The following GGACT variants were observed in gnomAD, a reference collection of about 807,000 sequenced individuals.
GGACT encodes the protein gamma-glutamylaminecyclotransferase.
For missense variants in GGACT, 241 were observed against 233.2 expected (o/e 1.03, Z -0.22); for synonymous variants, 118 against 115.3 (o/e 1.02, Z -0.15).
At chr13:100,532,636 A>G (rs975820695) in intron 2 of GGACT, 35 bp from the exon 3 acceptor site, 14 of 1,474,214 alleles carry the variant, frequency 9.5e-6, no homozygotes, top group Non-Finnish European at 1.3e-5. Context: ...GTCAGCCCGC[A>G]GTGGGAGCTC....
Position 100,536,315 on chromosome 13 carries a change from C to G in GGACT, c.-10-3714G>C, listed in dbSNP as rs987820072. 10 of 150,938 alleles carry G rather than the reference C, an allele frequency of 6.6e-5. No homozygotes were observed. In the East Asian group the frequency reaches 2.0e-3, roughly 29 times the overall value. The allele number at this position is 150,938 out of a possible 1,614,324, so 9.3% of individuals were successfully genotyped here. On this transcript the variant is annotated intron_variant, in intron 2 of 2. Transcript: ENST00000683975. ...CTGGATCACGGGGGCATTTTCTTACCCCTCCTTCCTCTCTGTTCTCTTTCT... is the reference window on the plus strand; with the variant it reads ...CTGGATCACGGGGGCATTTTCTTACGCCTCCTTCCTCTCTGTTCTCTTTCT...
intron 2 of GGACT, among the ~76,000 whole-genome samples, chr13:100,548,877 C>G (rs1030398344): frequency 6.6e-6 from 1 of 152,234 alleles, no homozygotes; most frequent in Non-Finnish European, 1.5e-5. Flanking sequence ...GGAGAGCCAA[C>G]CAGGGAGGCC....
intron 2 of GGACT, among the ~76,000 whole-genome samples, chr13:100,560,270 C>CA (rs2088747757): frequency 6.6e-6 from 1 of 152,296 alleles, no homozygotes; most frequent in East Asian, 1.9e-4. Flanking sequence ...GTCTGTAAAT[C>CA]AAAAAAGCTG....
chr13:100,563,841 T>C (rs1195178661), intron 2 of GGACT, among the ~76,000 whole-genome samples: 3 of 151,780 alleles, frequency 2.0e-5, no homozygotes, highest in Non-Finnish European at 4.4e-5. Context: ...TGGAGGAGGG[T>C]AAAAACCATG....
chr13:100,552,480 C>T lies in GGACT; in HGVS notation c.-10-19879G>A, dbSNP rs140855327. Among the ~76,000 whole-genome samples, 41 of 152,290 alleles carry T rather than the reference C, an allele frequency of 2.7e-4. 1 individual carries two copies. In the East Asian group the frequency reaches 7.7e-3, roughly 29 times the overall value. On this transcript the variant is annotated intron_variant, in intron 2 of 2. Coordinates refer to ENST00000683975, the MANE Select transcript of GGACT (RefSeq NM_001195087.2). Reference sequence around the variant, plus strand: ...AGAGACTGAAGCTCTAGCTGGTTCTCCCAGCAAACACAACCATTCTGAGAT... The same window carrying T: ...AGAGACTGAAGCTCTAGCTGGTTCTTCCAGCAAACACAACCATTCTGAGAT...
intron 2 of GGACT, among the ~76,000 whole-genome samples, chr13:100,576,923 T>A (rs536243506): frequency 1.4e-4 from 21 of 152,296 alleles, no homozygotes; most frequent in Admixed American, 1.3e-3. Flanking sequence ...GTAAACTTAA[T>A]AATAATGAAT....
intron 2 of GGACT, among the ~76,000 whole-genome samples, chr13:100,566,812 C>T (rs186312194): frequency 2.8e-4 from 43 of 152,372 alleles, no homozygotes; most frequent in Non-Finnish European, 4.9e-4. Flanking sequence ...AAGTTTACCA[C>T]CTTCTCGCAG....
chr13:100,572,110 G>C (rs1489946808), intron 2 of GGACT, among the ~76,000 whole-genome samples: 1 of 152,182 alleles, frequency 6.6e-6, no homozygotes, highest in Non-Finnish European at 1.5e-5. Flanking sequence ...CACGTTCCCA[G>C]CATCAGCCAA....
chr13:100,565,699 C>G (rs1486252436), intron 2 of GGACT, among the ~76,000 whole-genome samples: 1 of 152,144 alleles, frequency 6.6e-6, no homozygotes, highest in Non-Finnish European at 1.5e-5. Flanking sequence ...GCTGCTCCCC[C>G]TCAGAGCTAG....
Position 100,532,126 on chromosome 13 carries a change from C to T in GGACT, c.*4G>A, listed in dbSNP as rs1428008418. On this transcript the variant is annotated 3_prime_UTR_variant, in exon 3 of 3. Coordinates refer to ENST00000683975, the MANE Select transcript of GGACT (RefSeq NM_001195087.2). ...CAAACCTAGGCCCACCCTGCCCGTC[C>T]CCCTTATCTGTTCTCCCGGGGGTTG... The T allele has an allele frequency of 6.9e-7, 1 of 1,439,642 alleles. No homozygotes were observed. Among genetic ancestry groups the T allele is most frequent in the Non-Finnish European group, 9.2e-7 (1 of 1,091,410 alleles). The allele number at this position is 1,439,642 out of a possible 1,614,324, so 89.2% of individuals were successfully genotyped here. A position where few individuals can be genotyped will look rare whatever the true frequency, so the allele number is the denominator to read the frequency against.
In GGACT at chr13:100,545,478, C is replaced by G. The variant is rs2088596295; in HGVS notation, c.-10-12877G>C. On this transcript the variant is annotated intron_variant, in intron 2 of 2. Coordinates refer to ENST00000683975, the MANE Select transcript of GGACT (RefSeq NM_001195087.2). The surrounding 1 kb of genome is among the most constrained non-coding windows in gnomAD (Gnocchi z 4.4). ...CCCCCAAGCACTCCAGGGCCCCAGG[C>G]AGCCAGTGGCCTGGGCTGCCCTCAT... Among the ~76,000 whole-genome samples the G allele has an allele frequency of 6.6e-6, 1 of 152,176 alleles. No individual in the cohort carries two copies.
chr13:100,568,895 G>T (rs1874992146), intron 2 of GGACT, among the ~76,000 whole-genome samples: 1 of 152,236 alleles, frequency 6.6e-6, no homozygotes, highest in South Asian at 2.1e-4. Context: ...GGGGCTACAG[G>T]CCCCATGCAA....
At chr13:100,535,592 T>C (rs909801382) in intron 2 of GGACT, 1 of 152,252 alleles carries the variant, frequency 6.6e-6, no homozygotes, top group Non-Finnish European at 1.5e-5. Flanking sequence ...CTGTCATCAC[T>C]GTAGAAGCCT....
chr13:100,551,245 C>T (rs1406863687), intron 2 of GGACT, among the ~76,000 whole-genome samples: 3 of 151,948 alleles, frequency 2.0e-5, no homozygotes, highest in Non-Finnish European at 4.4e-5. Context: ...GATCACGCCA[C>T]TGCACTCCAG....
intron 2 of GGACT, among the ~76,000 whole-genome samples, chr13:100,543,454 C>T (rs1732845859): frequency 6.6e-6 from 1 of 152,086 alleles, no homozygotes; most frequent in South Asian, 2.1e-4. Flanking sequence ...GATCCGCCCA[C>T]CTCGGCCTCC....
intron 2 of GGACT, chr13:100,536,551 T>C (rs1182425662): frequency 3.3e-5 from 5 of 152,038 alleles, no homozygotes; most frequent in Non-Finnish European, 7.4e-5. Context: ...TCAATATATA[T>C]ATATTTTTTA....
intron 2 of GGACT, among the ~76,000 whole-genome samples, chr13:100,563,451 T>C (rs2153015446): frequency 6.6e-6 from 1 of 152,320 alleles, no homozygotes; most frequent in East Asian, 1.9e-4. Flanking sequence ...TCCTTCACTT[T>C]TAAATGGTTT....
intron 1 of GGACT, among the ~76,000 whole-genome samples, chr13:100,585,410 G>A (rs964557838): frequency 1.2e-4 from 18 of 152,174 alleles, no homozygotes; most frequent in African/African-American, 4.3e-4. Context: ...CATAGGGCCT[G>A]CAAAGCCTGA....
chr13:100,586,210 A>G (rs2153017758), intron 1 of GGACT, among the ~76,000 whole-genome samples: 1 of 152,258 alleles, frequency 6.6e-6, no homozygotes, highest in East Asian at 1.9e-4. Context: ...ATACTGAACA[A>G]TTTAGGGGTG....
Sources: gnomAD v4.1 joint callset for allele counts (sites outside exome capture counted in the v4.1 genomes callset) on GRCh38, gnomAD v4.1.1 for gene constraint, Gnocchi (gnomAD v3.1) non-coding constraint, MANE v1.5 for transcripts, NCBI Gene and HGNC (gene_info 2026-07-23, HGNC 2026-07-21) for gene names.